AGXT2: variants seen among roughly 807,000 people sequenced by gnomAD.
The protein encoded by AGXT2 is alanine--glyoxylate aminotransferase 2.
AGXT2 carries 61 observed loss-of-function variants against 62.5 expected under a neutral mutation model. The observed-to-expected ratio is 0.98, with a 90% confidence interval of 0.79 to 1.21. The LOEUF (loss-of-function observed/expected upper bound fraction) is 1.21. Among genes scored for constraint, AGXT2 ranks in the 50% most tolerant of loss-of-function variants. The pLI, the probability that AGXT2 is intolerant of heterozygous loss-of-function variation, is 0.00. For synonymous variants in AGXT2, 243 were observed against 218.7 expected (o/e 1.11, Z -0.98); for missense variants, 666 against 641.5 (o/e 1.04, Z -0.41).
intron 12 of AGXT2, among the ~76,000 whole-genome samples, chr5:35,007,796 G>A (rs1447009635): frequency 1.3e-5 from 2 of 152,156 alleles, no homozygotes; most frequent in Non-Finnish European, 2.9e-5. Flanking sequence ...CCCAATGTTG[G>A]AGGTGGGTCC....
chr5:35,012,576 T>TA (rs1265866369), intron 11 of AGXT2: 1 of 309,014 alleles, frequency 3.2e-6, no homozygotes, highest in Non-Finnish European at 6.2e-6. Flanking sequence ...ATTCAATTTA[T>TA]AATAGTACAA....
chr5:35,027,114 G>A lies in AGXT2; in HGVS notation c.770-604C>T, dbSNP rs1026880381. 20 of 628,686 alleles carry A rather than the reference G, an allele frequency of 3.2e-5. No homozygotes were observed. In the African/African-American group the frequency reaches 4.0e-4, roughly 13 times the overall value. 38.9% of individuals were successfully genotyped at this position (628,686 alleles called of 1,614,324 possible). On this transcript the variant is annotated intron_variant, in intron 7 of 13. Coordinates refer to ENST00000231420, the MANE Select transcript of AGXT2 (RefSeq NM_031900.4). ...CAGGACTTTCTCCGATTAATCAGGA[G>A]GTTTTTGTGGGCAGGGACTATACTT...
At position 35,033,840 on chromosome 5, in the gene AGXT2, C is replaced by G. The variant is rs571272317; in HGVS notation, c.582-287G>C. Among the ~76,000 whole-genome samples the G allele has an allele frequency of 2.1e-4, 32 of 152,296 alleles. 2 individuals carry two copies. The South Asian group carries it at 6.2e-3, about 30-fold the overall frequency. Reference sequence around the variant, plus strand: ...TCTATTATTCCATAGTAATGAGACTCATCTTTTAGCAACAACATACCAGAA... The same window carrying G: ...TCTATTATTCCATAGTAATGAGACTGATCTTTTAGCAACAACATACCAGAA... On this transcript the variant is annotated intron_variant, in intron 5 of 13. Transcript: ENST00000231420.
intron 8 of AGXT2, chr5:35,026,160 G>C: frequency 1.7e-6 from 1 of 596,286 alleles, no homozygotes; most frequent in South Asian, 2.0e-5. Flanking sequence ...GCTAAAAATG[G>C]CCAGGGTTTC....
At chr5:35,045,134 A>C (rs1768136555) in intron 1 of AGXT2, among the ~76,000 whole-genome samples, 1 of 152,242 alleles carries the variant, frequency 6.6e-6, no homozygotes, top group African/African-American at 2.4e-5. Flanking sequence ...TACTGAAAAC[A>C]AATTGCTTCC....
In AGXT2 at chr5:35,032,727, C is replaced by G. The variant is rs369180580; in HGVS notation, c.769+5G>C. The G allele has an allele frequency of 6.2e-7, 1 of 1,602,250 alleles. No homozygotes were observed. The highest frequency in any genetic ancestry group is 2.2e-5 in the East Asian group (1 of 44,730). ...TCCACTGGCACCCCCCTTGCCCAGTCGGACCTGGTGCACAGCTGCACTTCC... is the reference window on the plus strand; with the variant it reads ...TCCACTGGCACCCCCCTTGCCCAGTGGGACCTGGTGCACAGCTGCACTTCC... On this transcript the variant is annotated splice_donor_5th_base_variant and intron_variant, in intron 7 of 13. Coordinates refer to ENST00000231420, the MANE Select transcript of AGXT2 (RefSeq NM_031900.4).
rs147289420 is a variant in AGXT2 at position 35,039,617 on chromosome 5, G to A, written c.178-109C>T. 8.6e-4 allele frequency: 1,002 copies of A among 1,161,410 alleles called. 1 individual carries two copies. Among genetic ancestry groups the A allele is most frequent in the Non-Finnish European group, 1.0e-3 (802 of 794,880 alleles). 71.9% of individuals were successfully genotyped at this position (1,161,410 alleles called of 1,614,324 possible). Reference sequence around the variant, plus strand: ...TAGTGGACAGAGAAGAGGGCTGCTGGCCTGTAGAGGCTCAGAAGTGCGTGT... The same window carrying A: ...TAGTGGACAGAGAAGAGGGCTGCTGACCTGTAGAGGCTCAGAAGTGCGTGT... On this transcript the variant is annotated intron_variant, in intron 2 of 13. Transcript: ENST00000231420.
intron 8 of AGXT2, chr5:35,026,098 A>T (rs550317049): frequency 1.7e-6 from 1 of 594,108 alleles, no homozygotes; most frequent in African/African-American, 1.9e-5. Flanking sequence ...AATAAAAGAA[A>T]TTGGTGAGAC....
At chr5:35,032,334 C>A (rs926829934) in intron 7 of AGXT2, among the ~76,000 whole-genome samples, 1 of 150,848 alleles carries the variant, frequency 6.6e-6, no homozygotes, top group African/African-American at 2.4e-5. Flanking sequence ...CTCAAGCAAT[C>A]CTCCCACCTC....
chr5:35,041,590 A>G (rs185462132), intron 1 of AGXT2, among the ~76,000 whole-genome samples: 28 of 152,282 alleles, frequency 1.8e-4, no homozygotes, highest in South Asian at 1.5e-3. Context: ...TAGAGACCTT[A>G]TAAGTACTCC....
At chr5:35,040,165 C>G (rs933714487) in intron 2 of AGXT2, among the ~76,000 whole-genome samples, 4 of 152,044 alleles carry the variant, frequency 2.6e-5, no homozygotes, top group African/African-American at 9.7e-5. Context: ...AGCCTGAGAA[C>G]AAAAATATAA....
At chr5:35,031,568 C>T (rs1440998039) in intron 7 of AGXT2, among the ~76,000 whole-genome samples, 2 of 152,344 alleles carry the variant, frequency 1.3e-5, no homozygotes, top group East Asian at 3.9e-4. Flanking sequence ...GATGACAAAT[C>T]AGAGGCAGGG....
chr5:35,046,801 C>T (rs565533976), intron 1 of AGXT2, among the ~76,000 whole-genome samples: 2 of 152,226 alleles, frequency 1.3e-5, no homozygotes, highest in Admixed American at 6.5e-5. Context: ...GTTTACGGCC[C>T]GTGAAGCACA....
chr5:35,020,213 AC>A (rs1489511291), intron 9 of AGXT2, among the ~76,000 whole-genome samples: 3 of 152,282 alleles, frequency 2.0e-5, no homozygotes, highest in Non-Finnish European at 4.4e-5. Flanking sequence ...ATCCTCCCTA[AC>A]TCATTTTATG....
At chr5:35,039,755 C>G (rs967155777) in intron 2 of AGXT2, among the ~76,000 whole-genome samples, 19 of 152,102 alleles carry the variant, frequency 1.2e-4, no homozygotes, top group Admixed American at 8.5e-4. Context: ...TTCTACCTAG[C>G]AATGAAAAGC....
chr5:35,046,791 G>C (rs1394884555), intron 1 of AGXT2, among the ~76,000 whole-genome samples: 1 of 152,178 alleles, frequency 6.6e-6, no homozygotes, highest in Non-Finnish European at 1.5e-5. Context: ...CCCTGTACCT[G>C]TTTACGGCCC....
chr5:35,012,741 A>G (rs967781423), intron 11 of AGXT2: 4 of 577,344 alleles, frequency 6.9e-6, no homozygotes, highest in Non-Finnish European at 9.4e-6. Context: ...GGTTTATTAT[A>G]TATTATTTCT....
At chr5:35,035,973 G>A (rs186934) in intron 4 of AGXT2, among the ~76,000 whole-genome samples, 147,381 of 152,076 alleles carry the variant, frequency 0.97, 71,591 homozygotes, top group Non-Finnish European at 1. Flanking sequence ...GCTACTTGGG[G>A]GGCTGAGGCA....
At position 35,016,260 on chromosome 5, in the gene AGXT2, A is replaced by G. The variant is rs59760976; in HGVS notation, c.964-2141T>C. Among the ~76,000 whole-genome samples, 787 of 152,252 alleles carry G rather than the reference A, an allele frequency of 5.2e-3. 26 individuals are homozygous for G. In the East Asian group the frequency reaches 0.08, roughly 15 times the overall value. On this transcript the variant is annotated intron_variant, in intron 9 of 13. Coordinates refer to ENST00000231420, the MANE Select transcript of AGXT2 (RefSeq NM_031900.4). The stretch of plus-strand genomic sequence containing the variant: ...TGAAAAGGAAGCCTAGCATGACTTA[A>G]TCCATTTTGCTCCTAACCAGCTTGC...
Sources: allele counts gnomAD v4.1 joint callset (sites outside exome capture counted in the v4.1 genomes callset), GRCh38; gene constraint gnomAD v4.1.1; transcripts MANE v1.5; gene names NCBI Gene and HGNC (gene_info 2026-07-23, HGNC 2026-07-21).